Variants in TSHZ2 observed in about 807,000 individuals in gnomAD.
The protein encoded by TSHZ2 is teashirt homolog 2.
In TSHZ2, 21 loss-of-function variants were observed where a neutral mutation model predicts 74.4. That is an observed-to-expected ratio of 0.28 (90% CI 0.20 to 0.41). The LOEUF (loss-of-function observed/expected upper bound fraction) is 0.41. TSHZ2 is among the 10% of genes least tolerant of loss of function. The pLI is 1.00. For synonymous variants in TSHZ2, 540 were observed against 515.3 expected, an observed-to-expected ratio of 1.05 and a Z score of -0.65; for missense variants, 1,244 against 1,293.5, an observed-to-expected ratio of 0.96 and a Z score of 0.59.
chr20:53,414,721 A>G (rs1983176276), intron 2 of TSHZ2, among the ~76,000 whole-genome samples: 1 of 152,352 alleles, frequency 6.6e-6, no homozygotes, highest in South Asian at 2.1e-4. Flanking sequence ...TCAGTGGTTT[A>G]ATAGCACTAG....
At position 53,488,626 on chromosome 20, in the gene TSHZ2, T is replaced by A. The variant is rs1986358980; in HGVS notation, c.*1491T>A. 1 of 194,636 alleles carries A rather than the reference T, an allele frequency of 5.1e-6. No individual in the cohort carries two copies. The highest frequency in any genetic ancestry group is 2.4e-5 in the African/African-American group (1 of 41,880). 12.1% of individuals were successfully genotyped at this position (194,636 alleles called of 1,614,324 possible). The stretch of plus-strand genomic sequence containing the variant: ...CTACTCAGCTATGGTGAAATATTTA[T>A]ACTATTCTAGGCACAACACTAGGAA... On this transcript the variant is annotated 3_prime_UTR_variant, in exon 3 of 3. Coordinates refer to ENST00000371497, the MANE Select transcript of TSHZ2 (RefSeq NM_173485.6).
intron 2 of TSHZ2, chr20:53,398,578 C>T (rs1982540412): frequency 6.6e-6 from 1 of 152,156 alleles, no homozygotes; most frequent in African/African-American, 2.4e-5. Context: ...TAGCAAGACA[C>T]CATCTCTACA....
At chr20:53,376,286 G>T (rs1981655069) in intron 2 of TSHZ2, among the ~76,000 whole-genome samples, 1 of 152,214 alleles carries the variant, frequency 6.6e-6, no homozygotes, top group Non-Finnish European at 1.5e-5. Flanking sequence ...GGGGCTTTCT[G>T]TGCTAAAATC....
At chr20:53,290,918 G>C (rs1209792638) in intron 2 of TSHZ2, among the ~76,000 whole-genome samples, 2 of 152,184 alleles carry the variant, frequency 1.3e-5, no homozygotes, top group Non-Finnish European at 2.9e-5. Flanking sequence ...GTCTATGGCT[G>C]CTTTTGTGCT....
At chr20:53,261,303 C>A (rs1459270274) in intron 2 of TSHZ2, among the ~76,000 whole-genome samples, 1 of 152,232 alleles carries the variant, frequency 6.6e-6, no homozygotes, top group Non-Finnish European at 1.5e-5. Context: ...GACTGACCCG[C>A]AGGGTGAAGC....
intron 2 of TSHZ2, among the ~76,000 whole-genome samples, chr20:53,278,110 A>G (rs1423855835): frequency 1.3e-5 from 2 of 152,220 alleles, no homozygotes; most frequent in Non-Finnish European, 2.9e-5. Flanking sequence ...CTTCAGTTAT[A>G]GTCCTTCTGA....
chr20:53,227,658 G>A (rs968370471), intron 1 of TSHZ2, among the ~76,000 whole-genome samples: 2 of 152,154 alleles, frequency 1.3e-5, no homozygotes, highest in East Asian at 1.9e-4. Flanking sequence ...ACCCTTGTGT[G>A]TAATTCCATT....
intron 1 of TSHZ2, among the ~76,000 whole-genome samples, chr20:52,999,134 A>G (rs1036354688): frequency 6.7e-6 from 1 of 148,248 alleles, no homozygotes; most frequent in African/African-American, 2.5e-5. Flanking sequence ...GCCACATTCC[A>G]AGACCCATGA....
chr20:53,219,450 G>C (rs1314323986), intron 1 of TSHZ2, among the ~76,000 whole-genome samples: 2 of 152,166 alleles, frequency 1.3e-5, no homozygotes. Flanking sequence ...CTACTGCATA[G>C]TTAGCACTAT....
chr20:53,282,335 G>T (rs936275413), intron 2 of TSHZ2, among the ~76,000 whole-genome samples: 1 of 152,210 alleles, frequency 6.6e-6, no homozygotes, highest in African/African-American at 2.4e-5. Context: ...TCACGTTTTT[G>T]AAAGTGATCA....
chr20:53,423,424 C>T (rs947914245), intron 2 of TSHZ2, among the ~76,000 whole-genome samples: 2 of 151,984 alleles, frequency 1.3e-5, no homozygotes, highest in Non-Finnish European at 2.9e-5. Flanking sequence ...ATATTTGAAC[C>T]TTGGTGTGCT....
chr20:53,468,011 GA>G (rs200260471), intron 2 of TSHZ2, among the ~76,000 whole-genome samples: 231 of 150,804 alleles, frequency 1.5e-3, no homozygotes, highest in Non-Finnish European at 2.7e-3. Context: ...TTCTGTAAAA[GA>G]AAAAAAAATA....
At chr20:53,408,032 G>A (rs570061814) in intron 2 of TSHZ2, among the ~76,000 whole-genome samples, 1 of 152,284 alleles carries the variant, frequency 6.6e-6, no homozygotes, top group African/African-American at 2.4e-5. Context: ...CCTGATTTAA[G>A]GGGTTGTTAA....
At chr20:53,452,081 G>T (rs1482978318) in intron 2 of TSHZ2, among the ~76,000 whole-genome samples, 2 of 152,226 alleles carry the variant, frequency 1.3e-5, no homozygotes, top group African/African-American at 4.8e-5. Flanking sequence ...GAAGAACAAA[G>T]GGAAGTCAGT....
At chr20:53,480,577 A>AG (rs1986123105) in intron 2 of TSHZ2, among the ~76,000 whole-genome samples, 1 of 151,982 alleles carries the variant, frequency 6.6e-6, no homozygotes, top group African/African-American at 2.4e-5. Flanking sequence ...CTAAAAAAAA[A>AG]AAAAAGAAAA....
intron 2 of TSHZ2, among the ~76,000 whole-genome samples, chr20:53,430,822 G>C (rs1381727504): frequency 6.6e-6 from 1 of 152,146 alleles, no homozygotes; most frequent in African/African-American, 2.4e-5. Context: ...GCAGTGGCGT[G>C]GTCTCGGCTC....
At chr20:53,081,564 G>A (rs1273327027) in intron 1 of TSHZ2, among the ~76,000 whole-genome samples, 1 of 152,108 alleles carries the variant, frequency 6.6e-6, no homozygotes, top group African/African-American at 2.4e-5. Context: ...ATGCACAATT[G>A]CTGTTACAAC....
At chr20:53,125,749 A>C (rs1986931742) in intron 1 of TSHZ2, among the ~76,000 whole-genome samples, 1 of 152,200 alleles carries the variant, frequency 6.6e-6, no homozygotes, top group African/African-American at 2.4e-5. Flanking sequence ...TTAAAAAAAA[A>C]AAATTGTGAT....
At chr20:53,291,499 A>C (rs1200299908) in intron 2 of TSHZ2, among the ~76,000 whole-genome samples, 1 of 150,264 alleles carries the variant, frequency 6.7e-6, no homozygotes, top group African/African-American at 2.5e-5. Context: ...AAAGATCAAG[A>C]GCAAAATTGT....
Sources: allele counts gnomAD v4.1 joint callset (sites outside exome capture counted in the v4.1 genomes callset), GRCh38; gene constraint gnomAD v4.1.1; transcripts MANE v1.5; gene names NCBI Gene and HGNC (gene_info 2026-07-23, HGNC 2026-07-21).